RHOBTB1: variants seen among roughly 807,000 people sequenced by gnomAD.
RHOBTB1 encodes the protein Rho related BTB domain containing 1.
A neutral mutation model predicts 71.6 loss-of-function variants in RHOBTB1; 40 were observed. The ratio of observed to expected loss-of-function variants is 0.56; its 90% CI spans 0.43 to 0.73. The LOEUF (loss-of-function observed/expected upper bound fraction) is 0.73, where lower values mean the gene tolerates loss of function less well. Ranked by LOEUF, RHOBTB1 falls within the 30% of genes least tolerant of loss-of-function variation. The probability of loss-of-function intolerance (pLI) is 0.00; values close to 1 mark genes in which losing one functional copy is unlikely to be tolerated. For missense variants in RHOBTB1, 797 were observed against 894.0 expected (o/e 0.89, Z 1.38); for synonymous variants, 319 against 334.9 (o/e 0.95, Z 0.52).
chr10:60,888,462 C>T lies in RHOBTB1; in HGVS notation c.1206G>A (p.Met402Ile). The change falls in exon 6 of 11, where the codon ATG becomes ATA. Residue 402 changes from methionine (M) to isoleucine (I), a missense_variant. Transcript: ENST00000337910. ...KRMGPMTVVR[M>I]DASVQPGPFR... ...AAGGGCCTGGCTGGACTGAAGCGTCCATCCTGACCACAGTCATGGGCCCCA... is the reference window on the plus strand; with the variant it reads ...AAGGGCCTGGCTGGACTGAAGCGTCTATCCTGACCACAGTCATGGGCCCCA... 2.5e-6 allele frequency: 4 copies of T among 1,614,188 alleles called. 1 individual carries two copies. The Middle Eastern group carries it at 4.9e-4, about 200-fold the overall frequency.
intron 9 of RHOBTB1, among the ~76,000 whole-genome samples, chr10:60,872,622 C>T (rs1020583643): frequency 1.3e-5 from 2 of 151,958 alleles, no homozygotes; most frequent in Middle Eastern, 3.4e-3. Flanking sequence ...AGGCACCAGC[C>T]CACAGCAGAA....
At chr10:60,998,094 G>T in intron 1 of RHOBTB1, among the ~76,000 whole-genome samples, 1 of 152,240 alleles carries the variant, frequency 6.6e-6, no homozygotes, top group Middle Eastern at 3.4e-3. Flanking sequence ...AAAATATGGG[G>T]TTGTACTAGG....
chr10:60,993,070 T>C (rs1355188698), intron 1 of RHOBTB1, among the ~76,000 whole-genome samples: 1 of 152,090 alleles, frequency 6.6e-6, no homozygotes, highest in African/African-American at 2.4e-5. Flanking sequence ...TTTTATTAAA[T>C]AGTGTGTAAC....
At chr10:60,885,766 A>G (rs1292843916) in intron 7 of RHOBTB1, among the ~76,000 whole-genome samples, 1 of 152,136 alleles carries the variant, frequency 6.6e-6, no homozygotes, top group African/African-American at 2.4e-5. Flanking sequence ...TTTTGATAGT[A>G]CCATGCCTGG....
intron 2 of RHOBTB1, among the ~76,000 whole-genome samples, chr10:60,922,165 C>A (rs571508171): frequency 6.6e-6 from 1 of 152,104 alleles, no homozygotes; most frequent in Admixed American, 6.5e-5. Flanking sequence ...GGATTCTCAG[C>A]GCTTTTTGGT....
At chr10:60,925,715 TA>T (rs1405501456) in intron 2 of RHOBTB1, among the ~76,000 whole-genome samples, 3 of 151,760 alleles carry the variant, frequency 2.0e-5, no homozygotes, top group African/African-American at 7.3e-5. Flanking sequence ...AAATCACATA[TA>T]AAAAAGAGAT....
At position 60,885,299 on chromosome 10, in the gene RHOBTB1, T is replaced by C. The variant is rs74804040; in HGVS notation, c.1575+813A>G. Among the ~76,000 whole-genome samples the C allele has an allele frequency of 8.8e-3, 1,338 of 152,282 alleles. 16 individuals are homozygous for C. The highest frequency in any genetic ancestry group is 0.031 in the African/African-American group (1,270 of 41,546). On this transcript the variant is annotated intron_variant, in intron 7 of 10. Coordinates refer to ENST00000337910, the MANE Select transcript of RHOBTB1 (RefSeq NM_014836.5). ...TGTACCCCATAACTATGTATAATAA[T>C]TATTATTTGTCAGTTAAAAGTAAAA... is the stretch of plus-strand genomic sequence containing the variant.
downstream of RHOBTB1, among the ~76,000 whole-genome samples, chr10:60,866,696 G>A (rs10821847): frequency 0.16 from 24,530 of 152,026 alleles, 2,101 homozygotes; most frequent in East Asian, 0.28. Flanking sequence ...TAGAAAACAT[G>A]GAGGCCCTAG....
chr10:60,979,993 G>A (rs1206378163), intron 2 of RHOBTB1, among the ~76,000 whole-genome samples: 3 of 152,142 alleles, frequency 2.0e-5, no homozygotes, highest in Non-Finnish European at 2.9e-5. Context: ...GGGAGGAACC[G>A]GAAGGAAGTG....
At chr10:60,915,993 A>C (rs1564945631) in intron 2 of RHOBTB1, among the ~76,000 whole-genome samples, 1 of 152,130 alleles carries the variant, frequency 6.6e-6, no homozygotes, top group Non-Finnish European at 1.5e-5. Context: ...TGAAATCTCA[A>C]ATTTCAAAAT....
chr10:60,987,919 C>CTTT (rs71018937), intron 1 of RHOBTB1, among the ~76,000 whole-genome samples: 1,448 of 53,726 alleles, frequency 0.027, 142 homozygotes, highest in Non-Finnish European at 0.035. Flanking sequence ...AAATACTCAA[C>CTTT]TTTTTTTTTT....
chr10:60,931,299 C>G (rs931072960), intron 2 of RHOBTB1, among the ~76,000 whole-genome samples: 2 of 152,134 alleles, frequency 1.3e-5, no homozygotes, highest in South Asian at 4.1e-4. Context: ...TTTCCATTAT[C>G]CCCCAAAGAA....
intron 2 of RHOBTB1, among the ~76,000 whole-genome samples, chr10:60,962,846 A>C (rs889121347): frequency 1.3e-5 from 2 of 152,136 alleles, no homozygotes; most frequent in African/African-American, 4.8e-5. Context: ...CTGTACACTG[A>C]CAATACTGTG....
chr10:60,863,790 C>T, the RHOBTB1 span, among the ~76,000 whole-genome samples: 1 of 152,182 alleles, frequency 6.6e-6, no homozygotes, highest in South Asian at 2.1e-4. Context: ...ACCTCGGCCT[C>T]CCAAAGTGCT....
chr10:60,989,369 T>C (rs2086778852), intron 1 of RHOBTB1, among the ~76,000 whole-genome samples: 1 of 152,206 alleles, frequency 6.6e-6, no homozygotes, highest in Non-Finnish European at 1.5e-5. Flanking sequence ...TGCATAAGTA[T>C]ATTTTATGGT....
intron 4 of RHOBTB1, among the ~76,000 whole-genome samples, chr10:60,910,019 G>C (rs75291391): frequency 3.9e-5 from 6 of 152,244 alleles, no homozygotes; most frequent in Middle Eastern, 3.4e-3. Flanking sequence ...AGTAATTCAC[G>C]TGCTTGGAGT....
Position 60,888,234 on chromosome 10 carries a change from A to C in RHOBTB1, c.1434T>G (p.Cys478Trp). ...HVRKANRIKECLSKGTFSDVT... is the reference protein window; with the variant it reads ...HVRKANRIKEWLSKGTFSDVT... ...CACCCGAGAACGTTCCCTTGCTGAGACACTCTTTTATCCGATTGGCTTTCC... is the reference window on the plus strand; with the variant it reads ...CACCCGAGAACGTTCCCTTGCTGAGCCACTCTTTTATCCGATTGGCTTTCC... The change falls in exon 6 of 11, where the codon TGT becomes TGG. Residue 478 changes from cysteine to tryptophan, a missense_variant. Coordinates refer to ENST00000337910, the MANE Select transcript of RHOBTB1 (RefSeq NM_014836.5). 6.2e-7 allele frequency: 1 copy of C among 1,613,582 alleles called. No individual in the cohort carries two copies. The highest frequency in any genetic ancestry group is 8.5e-7 in the Non-Finnish European group (1 of 1,179,766).
intron 2 of RHOBTB1, among the ~76,000 whole-genome samples, chr10:60,934,988 A>G (rs2084490426): frequency 6.6e-6 from 1 of 152,226 alleles, no homozygotes; most frequent in Non-Finnish European, 1.5e-5. Context: ...TTGGCTGCTC[A>G]TTAGACTCAC....
exon 2 of RHOBTB1, chr10:60,985,912 G>T (rs2086645031): frequency 1.3e-5 from 2 of 152,094 alleles, no homozygotes; most frequent in Admixed American, 1.3e-4. Flanking sequence ...TGATGAAGAG[G>T]CCTCTTTCAT....
Sources: gnomAD v4.1 joint callset for allele counts (sites outside exome capture counted in the v4.1 genomes callset) on GRCh38, gnomAD v4.1.1 for gene constraint, MANE v1.5 for transcripts, NCBI Gene and HGNC (gene_info 2026-07-23, HGNC 2026-07-21) for gene names.